RFX4: variants seen among roughly 807,000 people sequenced by gnomAD.
RFX4 encodes regulatory factor X4.
In RFX4, 10 loss-of-function variants were observed where a neutral mutation model predicts 95.0. That is an observed-to-expected ratio of 0.11 (90% CI 0.06 to 0.18). The LOEUF is 0.18. RFX4 is among the 10% of genes least tolerant of loss of function. The pLI, the probability that RFX4 is intolerant of heterozygous loss-of-function variation, is 1.00. For missense variants in RFX4, 640 were observed against 922.0 expected (o/e 0.69, Z 3.96); for synonymous variants, 321 against 340.7 (o/e 0.94, Z 0.64).
chr12:106,697,080 G>A (rs1403508278), intron 8 of RFX4, among the ~76,000 whole-genome samples: 1 of 152,126 alleles, frequency 6.6e-6, no homozygotes, highest in East Asian at 1.9e-4. Flanking sequence ...ATTGTGTTGA[G>A]CTGGCTGGGT....
At chr12:106,740,117 C>T (rs1165223787) in intron 15 of RFX4, among the ~76,000 whole-genome samples, 1 of 152,176 alleles carries the variant, frequency 6.6e-6, no homozygotes, top group South Asian at 2.1e-4. Context: ...CATGGGTTCC[C>T]TGCAACACAA....
chr12:106,714,168 C>T lies in RFX4; in HGVS notation c.994-1232C>T, dbSNP rs182113393. On this transcript the variant is annotated intron_variant, in intron 10 of 17. Coordinates refer to ENST00000392842, the MANE Select transcript of RFX4 (RefSeq NM_213594.3). ...TTCATTGTAATAAAGTAGCTCACAA[C>T]GCATCTCTGAAGGAACATGCTCAGG... 5.5e-4 allele frequency among the ~76,000 whole-genome samples: 82 copies of T among 149,058 alleles called. 1 individual carries two copies. Among genetic ancestry groups the T allele is most frequent in the African/African-American group, 1.9e-3 (75 of 40,306 alleles).
At chr12:106,613,111 G>A (rs1337473822) in intron 2 of RFX4, among the ~76,000 whole-genome samples, 1 of 151,418 alleles carries the variant, frequency 6.6e-6, no homozygotes, top group African/African-American at 2.4e-5. Context: ...TTTATTGAGT[G>A]CTTTTATCAT....
intron 8 of RFX4, among the ~76,000 whole-genome samples, chr12:106,699,827 TG>T (rs2137461049): frequency 6.6e-6 from 1 of 152,276 alleles, no homozygotes; most frequent in Admixed American, 6.5e-5. Context: ...TCTTTTTTAT[TG>T]TCTGGCAATT....
intron 2 of RFX4, among the ~76,000 whole-genome samples, chr12:106,637,219 C>A (rs1040648897): frequency 6.6e-6 from 1 of 152,072 alleles, no homozygotes; most frequent in Non-Finnish European, 1.5e-5. Context: ...TCTAAACTGG[C>A]GTTCTACAAA....
intron 1 of RFX4, among the ~76,000 whole-genome samples, chr12:106,588,424 G>A (rs2039494010): frequency 6.6e-6 from 1 of 152,212 alleles, no homozygotes; most frequent in African/African-American, 2.4e-5. Context: ...ACATATGTGA[G>A]AGAGGAATAC....
intron 4 of RFX4, among the ~76,000 whole-genome samples, chr12:106,676,058 G>A (rs2041387122): frequency 6.6e-6 from 1 of 152,222 alleles, no homozygotes; most frequent in African/African-American, 2.4e-5. Flanking sequence ...GGGATGCGTA[G>A]AGATGGGAGG....
chr12:106,620,645 G>A (rs1005774914), intron 2 of RFX4, among the ~76,000 whole-genome samples: 2 of 152,102 alleles, frequency 1.3e-5, no homozygotes, highest in Non-Finnish European at 2.9e-5. Context: ...TGCATGTATT[G>A]TCTTGATAAA....
At chr12:106,713,062 C>G (rs2042221484) in intron 10 of RFX4, among the ~76,000 whole-genome samples, 3 of 152,224 alleles carry the variant, frequency 2.0e-5, no homozygotes, top group Admixed American at 6.5e-5. Context: ...ATTTAATCAG[C>G]AAATGCCCCA....
rs1158883398 is a variant in RFX4 at position 106,583,237 on chromosome 12, C to A, written c.-84C>A. On this transcript the variant is annotated 5_prime_UTR_variant, in exon 1 of 18. Transcript: ENST00000392842. ...CTCTCCCCTTCTCCCTCCCTCCCTCCCTTCCTCCCTGGGCATCTCTAGCAC... is the reference window on the plus strand; with the variant it reads ...CTCTCCCCTTCTCCCTCCCTCCCTCACTTCCTCCCTGGGCATCTCTAGCAC... 1 of 1,224,798 alleles carries A rather than the reference C, an allele frequency of 8.2e-7. No individual in the cohort carries two copies. Among genetic ancestry groups the A allele is most frequent in the South Asian group, 1.5e-5 (1 of 66,880 alleles). The allele number at this position is 1,224,798 out of a possible 1,614,324, so 75.9% of individuals were successfully genotyped here. A position where few individuals can be genotyped will look rare whatever the true frequency, so the allele number is the denominator to read the frequency against.
chr12:106,590,952 A>G (rs1052633338), intron 1 of RFX4, among the ~76,000 whole-genome samples: 2 of 152,128 alleles, frequency 1.3e-5, no homozygotes, highest in African/African-American at 4.8e-5. Context: ...CTCAAAGAAA[A>G]AAATAAAAAA....
At chr12:106,677,215 G>A (rs536604333) in intron 4 of RFX4, among the ~76,000 whole-genome samples, 9 of 152,302 alleles carry the variant, frequency 5.9e-5, no homozygotes, top group African/African-American at 2.2e-4. Flanking sequence ...AATTCACTAG[G>A]AAAACAGAGA....
intron 10 of RFX4, chr12:106,714,846 A>C (rs1186513955): frequency 2.0e-5 from 3 of 152,392 alleles, no homozygotes; most frequent in African/African-American, 7.2e-5. Flanking sequence ...TTATTCATGT[A>C]TGTTTTAATC....
intron 2 of RFX4, among the ~76,000 whole-genome samples, chr12:106,632,040 A>G (rs1004672352): frequency 6.6e-6 from 1 of 152,236 alleles, no homozygotes; most frequent in African/African-American, 2.4e-5. Flanking sequence ...TTTTACAGAT[A>G]ATGAAACTGA....
intron 10 of RFX4, chr12:106,715,137 C>G (rs2042263308): frequency 5.8e-6 from 2 of 346,030 alleles, no homozygotes; most frequent in Non-Finnish European, 1.1e-5. Flanking sequence ...GGACTGGAAA[C>G]AGCAGGGTTT....
intron 13 of RFX4, among the ~76,000 whole-genome samples, chr12:106,731,840 G>A (rs953799980): frequency 6.6e-6 from 1 of 152,114 alleles, no homozygotes; most frequent in African/African-American, 2.4e-5. Context: ...GCTCAGAGAT[G>A]GCTCGGTGGG....
At chr12:106,603,914 G>A (rs867698682) in intron 1 of RFX4, among the ~76,000 whole-genome samples, 30 of 152,090 alleles carry the variant, frequency 2.0e-4, no homozygotes, top group Non-Finnish European at 3.8e-4. Context: ...GCTTAATAAA[G>A]TTTTTAGAAA....
intron 1 of RFX4, among the ~76,000 whole-genome samples, chr12:106,600,955 G>A (rs573167633): frequency 4.6e-5 from 7 of 152,132 alleles, no homozygotes; most frequent in South Asian, 4.1e-4. Flanking sequence ...CTCTGTCTCC[G>A]CCACAGAATA....
At chr12:106,723,081 A>C (rs948796052) in intron 13 of RFX4, among the ~76,000 whole-genome samples, 1 of 152,214 alleles carries the variant, frequency 6.6e-6, no homozygotes, top group African/African-American at 2.4e-5. Context: ...ATGATCCTGT[A>C]GGGGACTCTA....
Sources: allele counts gnomAD v4.1 joint callset (sites outside exome capture counted in the v4.1 genomes callset), GRCh38; gene constraint gnomAD v4.1.1; transcripts MANE v1.5; gene names NCBI Gene and HGNC (gene_info 2026-07-23, HGNC 2026-07-21).